SV2C: variants seen among roughly 807,000 people sequenced by gnomAD.
SV2C encodes synaptic vesicle glycoprotein 2C, also known as solute carrier family 22 member B3.
SV2C carries 49 observed loss-of-function variants against 79.7 expected under a neutral mutation model. The observed-to-expected ratio is 0.61, with a 90% confidence interval of 0.49 to 0.78. The LOEUF (loss-of-function observed/expected upper bound fraction) is 0.78, where lower values mean the gene tolerates loss of function less well. Among genes scored for constraint, SV2C ranks in the 30% least tolerant of loss-of-function variants. The pLI is 0.00. For missense variants in SV2C, 833 were observed against 912.9 expected (o/e 0.91, Z 1.13); for synonymous variants, 334 against 333.2 (o/e 1.00, Z -0.03).
intron 2 of SV2C, among the ~76,000 whole-genome samples, chr5:76,171,558 G>A (rs1189313140): frequency 9.8e-5 from 14 of 142,908 alleles, no homozygotes; most frequent in African/African-American, 3.3e-4. Flanking sequence ...CACCCCATCT[G>A]GGAAGTGAGG....
rs557810163 is a variant in SV2C, at chr5:76,348,968, C to T, written c.2001-4162C>T. ...GAGCCGAGACCATACCACTGCACTC[C>T]AGCCTGGGCAACAGAGTGAGACTCT... On this transcript the variant is annotated intron_variant, in intron 12 of 12. Transcript: ENST00000322285. Among the ~76,000 whole-genome samples, 5 of 152,268 alleles carry T rather than the reference C, an allele frequency of 3.3e-5. No homozygotes were observed. The South Asian group carries it at 1.0e-3, about 32-fold the overall frequency.
the SV2C span, among the ~76,000 whole-genome samples, chr5:75,929,412 G>T: frequency 1.3e-5 from 2 of 151,868 alleles, no homozygotes; most frequent in African/African-American, 4.8e-5. Flanking sequence ...GGAAGCTGCG[G>T]CATCTGCTTG....
At chr5:75,966,873 A>G in the SV2C span, among the ~76,000 whole-genome samples, 1 of 152,160 alleles carries the variant, frequency 6.6e-6, no homozygotes, top group Non-Finnish European at 1.5e-5. Flanking sequence ...TGGTAGAAAA[A>G]GCACAGTCTC....
chr5:76,021,026 A>T, the SV2C span, among the ~76,000 whole-genome samples: 37 of 152,324 alleles, frequency 2.4e-4, 1 homozygote, highest in East Asian at 2.3e-3. Context: ...CTAGTACAGC[A>T]TTTAGTTAAT....
At chr5:76,065,257 T>G in the SV2C span, among the ~76,000 whole-genome samples, 1 of 152,226 alleles carries the variant, frequency 6.6e-6, no homozygotes, top group African/African-American at 2.4e-5. Flanking sequence ...TAATACCTTA[T>G]GCAACAGCAA....
intron 2 of SV2C, among the ~76,000 whole-genome samples, chr5:76,191,655 G>T (rs1228971505): frequency 6.6e-6 from 1 of 152,188 alleles, no homozygotes; most frequent in Non-Finnish European, 1.5e-5. Flanking sequence ...GGAAATGAGG[G>T]TATGATTAAA....
the SV2C span, among the ~76,000 whole-genome samples, chr5:76,011,200 CTA>C: frequency 9.2e-5 from 14 of 152,174 alleles, no homozygotes; most frequent in African/African-American, 3.1e-4. Context: ...ACTCTGGCTT[CTA>C]TATGTTTTAT....
intron 12 of SV2C, among the ~76,000 whole-genome samples, chr5:76,340,369 C>T (rs1393523604): frequency 6.6e-6 from 1 of 152,202 alleles, no homozygotes; most frequent in East Asian, 1.9e-4. Context: ...CTTGTCTTCA[C>T]TTTACTGCAT....
the SV2C span, among the ~76,000 whole-genome samples, chr5:76,067,256 T>TC: frequency 1.3e-5 from 2 of 151,670 alleles, no homozygotes; most frequent in African/African-American, 4.9e-5. Context: ...GTCTTTTTTT[T>TC]TCCTTTATAA....
the SV2C span, among the ~76,000 whole-genome samples, chr5:75,925,403 A>C: frequency 6.6e-6 from 1 of 152,216 alleles, no homozygotes; most frequent in Non-Finnish European, 1.5e-5. Flanking sequence ...CACATTTCCC[A>C]ATACCCTCAT....
chr5:75,912,437 G>C, the SV2C span, among the ~76,000 whole-genome samples: 1 of 152,136 alleles, frequency 6.6e-6, no homozygotes, highest in East Asian at 1.9e-4. Context: ...AGGCTGCAGT[G>C]GGGTGGAGCG....
At position 76,253,186 on chromosome 5, in the gene SV2C, T is replaced by G. The variant is rs535170437; in HGVS notation, c.914-31976T>G. ...GATTCATGCCTAAAAATGTACTGCA[T>G]TAGGTTAGAATTCTGTGCAGATAGT... On this transcript the variant is annotated intron_variant, in intron 4 of 12. Coordinates refer to ENST00000502798, the MANE Select transcript of SV2C (RefSeq NM_014979.4). Among the ~76,000 whole-genome samples, 8 of 152,310 alleles carry G rather than the reference T, an allele frequency of 5.3e-5. No homozygotes were observed. In the South Asian group the frequency reaches 1.5e-3, roughly 28 times the overall value.
At chr5:76,145,177 A>G (rs1241196296) in intron 2 of SV2C, among the ~76,000 whole-genome samples, 3 of 152,198 alleles carry the variant, frequency 2.0e-5, no homozygotes, top group African/African-American at 7.2e-5. Context: ...CCTAGAGTGG[A>G]AGTTAAAGGG....
chr5:76,314,992 G>T (rs944957109), intron 12 of SV2C, among the ~76,000 whole-genome samples: 1 of 152,094 alleles, frequency 6.6e-6, no homozygotes, highest in African/African-American at 2.4e-5. Context: ...CAGAATATTT[G>T]ATTTCAACAG....
At chr5:76,100,182 A>G (rs900003174) in intron 1 of SV2C, among the ~76,000 whole-genome samples, 1 of 152,150 alleles carries the variant, frequency 6.6e-6, no homozygotes. Context: ...CTTTGGGTCA[A>G]CTGGAGGTCC....
chr5:75,872,522 A>T, the SV2C span, among the ~76,000 whole-genome samples: 1 of 152,182 alleles, frequency 6.6e-6, no homozygotes, highest in East Asian at 1.9e-4. Flanking sequence ...AAGAAGGTAT[A>T]GAGAGATTAA....
chr5:76,157,845 TG>T (rs1439982259), intron 2 of SV2C, among the ~76,000 whole-genome samples: 1 of 151,818 alleles, frequency 6.6e-6, no homozygotes, highest in Admixed American at 6.6e-5. Flanking sequence ...TTAATAAGAA[TG>T]TACTATTGGG....
At chr5:76,229,653 G>A (rs1355551730) in intron 4 of SV2C, among the ~76,000 whole-genome samples, 2 of 152,228 alleles carry the variant, frequency 1.3e-5, no homozygotes, top group African/African-American at 4.8e-5. Context: ...AGGGCAAGAT[G>A]GCACCCAGCA....
At chr5:76,098,430 A>G (rs904979329) in intron 1 of SV2C, among the ~76,000 whole-genome samples, 2 of 152,258 alleles carry the variant, frequency 1.3e-5, no homozygotes, top group African/African-American at 4.8e-5. Context: ...ACTAAATAAC[A>G]GATGCTGCTC....
Sources: gnomAD v4.1 joint callset for allele counts (sites outside exome capture counted in the v4.1 genomes callset) on GRCh38, gnomAD v4.1.1 for gene constraint, MANE v1.5 for transcripts, NCBI Gene and HGNC (gene_info 2026-07-23, HGNC 2026-07-21) for gene names.